NALF1: variants seen among roughly 807,000 people sequenced by gnomAD.
The protein encoded by NALF1 is family with sequence similarity 155 member A.
A neutral mutation model predicts 48.4 loss-of-function variants in NALF1; 3 were observed. The ratio of observed to expected loss-of-function variants is 0.06; its 90% CI spans 0.03 to 0.16. The LOEUF (loss-of-function observed/expected upper bound fraction) is 0.16. Ranked by LOEUF, NALF1 falls within the 10% of genes least tolerant of loss-of-function variation. The pLI is 1.00. For missense variants in NALF1, 526 were observed against 571.5 expected (o/e 0.92, Z 0.81); for synonymous variants, 262 against 245.7 (o/e 1.07, Z -0.62).
At chr13:107,856,679 T>G (rs1594317031) in intron 1 of NALF1, among the ~76,000 whole-genome samples, 1 of 152,282 alleles carries the variant, frequency 6.6e-6, no homozygotes, top group East Asian at 1.9e-4. Flanking sequence ...TTTTTTTATG[T>G]GATGGAATTT....
At position 107,325,711 on chromosome 13, in the gene NALF1, T is replaced by C. The variant is rs1882338454; in HGVS notation, c.916-114956A>G. Among the ~76,000 whole-genome samples the C allele has an allele frequency of 2.6e-5, 4 of 151,156 alleles. No homozygotes were observed. The Admixed American group carries it at 2.7e-4, about 10-fold the overall frequency. ...CAAAAATGAGCTCAGCATGATGGCATGCACCTGTAATCTCAGTTACTGGGG... is the reference window on the plus strand; with the variant it reads ...CAAAAATGAGCTCAGCATGATGGCACGCACCTGTAATCTCAGTTACTGGGG... On this transcript the variant is annotated intron_variant, in intron 1 of 2. Transcript: ENST00000375915.
At chr13:107,566,848 G>C (rs1416330274) in intron 1 of NALF1, among the ~76,000 whole-genome samples, 1 of 152,124 alleles carries the variant, frequency 6.6e-6, no homozygotes, top group Non-Finnish European at 1.5e-5. Context: ...GGAGAACCCC[G>C]AGGCAGTGCC....
At position 107,866,768 on chromosome 13, in the gene NALF1, C is replaced by G. The variant is rs915033385; in HGVS notation, c.-172G>C. On this transcript the variant is annotated 5_prime_UTR_variant, in exon 1 of 3. Transcript: ENST00000375915. This position sits in a 1 kb window ranked among gnomAD's most constrained non-coding sequence, Gnocchi z 4.4. ...CTCTCCCTCTCTCCTCTCTCTCTCT[C>G]TCCCTCTCCCTCTCTTTTATCTCTC... 14 of 600,760 alleles carry G rather than the reference C, an allele frequency of 2.3e-5. No homozygotes were observed. Among genetic ancestry groups the G allele is most frequent in the Non-Finnish European group, 3.5e-5 (12 of 340,632 alleles). The allele number at this position is 600,760 out of a possible 1,614,324, so 37.2% of individuals were successfully genotyped here. A position where few individuals can be genotyped will look rare whatever the true frequency, so the allele number is the denominator to read the frequency against.
intron 1 of NALF1, among the ~76,000 whole-genome samples, chr13:107,256,571 A>G (rs9514641): frequency 0.21 from 32,314 of 152,212 alleles, 3,578 homozygotes; most frequent in Non-Finnish European, 0.23. Context: ...AATTTGGGAA[A>G]GAATTTGCTG....
intron 1 of NALF1, among the ~76,000 whole-genome samples, chr13:107,301,225 T>C (rs557861995): frequency 1.6e-4 from 25 of 152,354 alleles, no homozygotes; most frequent in Admixed American, 1.0e-3. Context: ...ATTCCAGATA[T>C]AGCCTGTTCA....
chr13:107,412,009 G>A (rs185473496), intron 1 of NALF1, among the ~76,000 whole-genome samples: 2 of 152,236 alleles, frequency 1.3e-5, no homozygotes, highest in East Asian at 3.9e-4. Flanking sequence ...GAGAAAAAAT[G>A]AAACCCACTG....
chr13:107,573,280 T>C lies in NALF1; in HGVS notation c.915+292402A>G, dbSNP rs567641450. ...ACTTCTGCTCTTATTTATCTAATTT[T>C]TTTATCTTGTACATTTTGGTGTAGA... is the stretch of plus-strand genomic sequence containing the variant. On this transcript the variant is annotated intron_variant, in intron 1 of 2. Coordinates refer to ENST00000375915, the MANE Select transcript of NALF1 (RefSeq NM_001080396.3). Among the ~76,000 whole-genome samples, 14 of 152,250 alleles carry C rather than the reference T, an allele frequency of 9.2e-5. No individual in the cohort carries two copies. In the East Asian group the frequency reaches 2.5e-3, roughly 27 times the overall value.
At chr13:107,645,546 C>T (rs1303981433) in intron 1 of NALF1, among the ~76,000 whole-genome samples, 1 of 151,972 alleles carries the variant, frequency 6.6e-6, no homozygotes, top group Non-Finnish European at 1.5e-5. Flanking sequence ...TTATCCTATC[C>T]ACTTAATACA....
chr13:107,584,333 A>G (rs1878393995), intron 1 of NALF1, among the ~76,000 whole-genome samples: 1 of 152,226 alleles, frequency 6.6e-6, no homozygotes, highest in Non-Finnish European at 1.5e-5. Flanking sequence ...GCTATCACTA[A>G]TAAGCAAGGT....
At chr13:107,702,755 T>A (rs1881853949) in intron 1 of NALF1, among the ~76,000 whole-genome samples, 2 of 152,150 alleles carry the variant, frequency 1.3e-5, no homozygotes, top group African/African-American at 4.8e-5. Context: ...GTCCCTGTGT[T>A]CTCATCATTC....
chr13:107,234,935 A>G (rs1880309650), intron 1 of NALF1, among the ~76,000 whole-genome samples: 1 of 152,138 alleles, frequency 6.6e-6, no homozygotes, highest in African/African-American at 2.4e-5. Context: ...TTGAATGCTA[A>G]CGAGCCACAG....
At chr13:107,786,547 A>G (rs1233807520) in intron 1 of NALF1, among the ~76,000 whole-genome samples, 1 of 151,062 alleles carries the variant, frequency 6.6e-6, no homozygotes. Context: ...CCTGCCCAAC[A>G]TGGCGAAACC....
intron 1 of NALF1, among the ~76,000 whole-genome samples, chr13:107,409,915 T>C (rs750402626): frequency 6.6e-6 from 1 of 152,198 alleles, no homozygotes; most frequent in Non-Finnish European, 1.5e-5. Flanking sequence ...AGCTGCATAG[T>C]TCAGGGCAAA....
At chr13:107,380,427 C>T (rs183724316) in intron 1 of NALF1, among the ~76,000 whole-genome samples, 17 of 152,142 alleles carry the variant, frequency 1.1e-4, no homozygotes, top group Non-Finnish European at 1.6e-4. Flanking sequence ...AACGCTTTAA[C>T]CAAGGAAATA....
Position 107,230,181 on chromosome 13 carries a change from T to A in NALF1, c.916-19426A>T, listed in dbSNP as rs575270939. 2.0e-5 allele frequency among the ~76,000 whole-genome samples: 3 copies of A among 152,306 alleles called. No homozygotes were observed. In the South Asian group the frequency reaches 6.2e-4, roughly 32 times the overall value. ...CATGAGTACATTAACTTTATTAAGTTGAGCCATATGAAATTTCTGATATGC... is the reference window on the plus strand; with the variant it reads ...CATGAGTACATTAACTTTATTAAGTAGAGCCATATGAAATTTCTGATATGC... On this transcript the variant is annotated intron_variant, in intron 1 of 2. Transcript: ENST00000375915.
At chr13:107,535,053 G>C (rs538315071) in intron 1 of NALF1, among the ~76,000 whole-genome samples, 4 of 152,270 alleles carry the variant, frequency 2.6e-5, no homozygotes, top group African/African-American at 9.6e-5. Context: ...AGACTTTGCT[G>C]AAGTTGCCTA....
chr13:107,540,663 G>A (rs917028619), intron 1 of NALF1, among the ~76,000 whole-genome samples: 4 of 152,082 alleles, frequency 2.6e-5, no homozygotes, highest in Non-Finnish European at 4.4e-5. Flanking sequence ...TTCATTAGGA[G>A]TAAAAATCAT....
intron 1 of NALF1, among the ~76,000 whole-genome samples, chr13:107,399,014 C>T (rs150981467): frequency 3.9e-5 from 6 of 152,218 alleles, no homozygotes; most frequent in East Asian, 3.9e-4. Flanking sequence ...ACCATCTTCA[C>T]GAAGTGACAT....
intron 1 of NALF1, among the ~76,000 whole-genome samples, chr13:107,701,878 A>G (rs895025046): frequency 1.3e-5 from 2 of 152,218 alleles, no homozygotes; most frequent in Admixed American, 1.3e-4. Flanking sequence ...TAAGAAAATA[A>G]AAAATAAAAC....
Sources: allele counts gnomAD v4.1 joint callset (sites outside exome capture counted in the v4.1 genomes callset), GRCh38; gene constraint gnomAD v4.1.1; non-coding constraint Gnocchi (gnomAD v3.1); transcripts MANE v1.5; gene names NCBI Gene and HGNC (gene_info 2026-07-23, HGNC 2026-07-21).